TMC1: variants seen among roughly 807,000 people sequenced by gnomAD.
TMC1 encodes the protein transmembrane channel like 1, also known as transmembrane channel-like protein 1.
A neutral mutation model predicts 105.8 loss-of-function variants in TMC1; 84 were observed. That is an observed-to-expected ratio of 0.79 (90% CI 0.67 to 0.95). TMC1 has a LOEUF of 0.95. Ranked by LOEUF, TMC1 falls within the 40% of genes least tolerant of loss-of-function variation. The probability of loss-of-function intolerance (pLI) is 0.00; values close to 1 mark genes in which losing one functional copy is unlikely to be tolerated. For missense variants in TMC1, 817 were observed against 914.1 expected (o/e 0.89, Z 1.37); for synonymous variants, 315 against 311.5 (o/e 1.01, Z -0.12).
At chr9:72,534,132 C>T (rs1186529662) in intron 1 of TMC1, among the ~76,000 whole-genome samples, 2 of 151,510 alleles carry the variant, frequency 1.3e-5, no homozygotes, top group Non-Finnish European at 2.9e-5. Flanking sequence ...GAATCTGTCT[C>T]GAAATAAATG....
intron 1 of TMC1, among the ~76,000 whole-genome samples, chr9:72,549,085 G>C (rs890395613): frequency 1.3e-5 from 2 of 152,180 alleles, no homozygotes; most frequent in African/African-American, 4.8e-5. Context: ...TAAATCTTCA[G>C]AGATCAACAT....
chr9:72,759,382 C>T (rs1827719789), intron 12 of TMC1, among the ~76,000 whole-genome samples: 1 of 152,156 alleles, frequency 6.6e-6, no homozygotes, highest in African/African-American at 2.4e-5. Context: ...CCGTCTCCAG[C>T]ATCACAAAGC....
At chr9:72,527,049 C>T (rs1456150530) in intron 1 of TMC1, among the ~76,000 whole-genome samples, 1 of 152,174 alleles carries the variant, frequency 6.6e-6, no homozygotes, top group Non-Finnish European at 1.5e-5. Flanking sequence ...ACTAGGTGAG[C>T]ATGGGGTTCC....
intron 1 of TMC1, among the ~76,000 whole-genome samples, chr9:72,535,784 T>C (rs7018820): frequency 0.52 from 79,734 of 152,060 alleles, 21,868 homozygotes; most frequent in African/African-American, 0.69. Flanking sequence ...CCTTCATGTG[T>C]GGAAATCATA....
intron 5 of TMC1, among the ~76,000 whole-genome samples, chr9:72,657,003 T>G (rs1250181080): frequency 1.3e-5 from 2 of 152,242 alleles, no homozygotes; most frequent in Admixed American, 1.3e-4. Flanking sequence ...GACACTGTTC[T>G]GCATACTCTT....
chr9:72,574,081 T>C (rs1241229044), intron 1 of TMC1, among the ~76,000 whole-genome samples: 3 of 152,252 alleles, frequency 2.0e-5, no homozygotes, highest in Non-Finnish European at 4.4e-5. Context: ...CTGATGATAA[T>C]AGCCTCCAGC....
At chr9:72,537,221 TC>T (rs1228341417) in intron 1 of TMC1, among the ~76,000 whole-genome samples, 9 of 152,190 alleles carry the variant, frequency 5.9e-5, no homozygotes, top group African/African-American at 9.6e-5. Flanking sequence ...CTCCTAGGCC[TC>T]TAGGCTTGTG....
chr9:72,544,345 T>G (rs1823728810), intron 1 of TMC1, among the ~76,000 whole-genome samples: 1 of 88,860 alleles, frequency 1.1e-5, no homozygotes. Context: ...GTATATCCAC[T>G]TCACTCAAGC....
chr9:72,662,281 G>C (rs1313803613), intron 5 of TMC1, among the ~76,000 whole-genome samples: 1 of 150,506 alleles, frequency 6.6e-6, no homozygotes, highest in Non-Finnish European at 1.5e-5. Context: ...CCACCTCCCC[G>C]GTCCAAGCGA....
intron 3 of TMC1, among the ~76,000 whole-genome samples, chr9:72,625,820 C>G (rs769693793): frequency 3.9e-5 from 6 of 152,006 alleles, no homozygotes; most frequent in Non-Finnish European, 8.8e-5. Flanking sequence ...TGTCCTTACA[C>G]AAATGATGAA....
At chr9:72,721,806 A>G (rs970320888) in intron 8 of TMC1, among the ~76,000 whole-genome samples, 1 of 152,170 alleles carries the variant, frequency 6.6e-6, no homozygotes, top group East Asian at 1.9e-4. Context: ...AATTCAGCCA[A>G]CTCACATTAT....
chr9:72,682,638 A>G (rs2132177937), intron 5 of TMC1, among the ~76,000 whole-genome samples: 1 of 152,314 alleles, frequency 6.6e-6, no homozygotes, highest in African/African-American at 2.4e-5. Context: ...AGTAAGAAGA[A>G]TTGCACCCTA....
chr9:72,739,760 G>A (rs1827357831), intron 8 of TMC1, among the ~76,000 whole-genome samples: 1 of 152,138 alleles, frequency 6.6e-6, no homozygotes, highest in Admixed American at 6.5e-5. Flanking sequence ...AGAAGAGGAA[G>A]TATTTTAAAA....
chr9:72,799,167 T>G (rs1285391415), intron 17 of TMC1, among the ~76,000 whole-genome samples: 1 of 152,126 alleles, frequency 6.6e-6, no homozygotes, highest in Non-Finnish European at 1.5e-5. Flanking sequence ...TAGTTAGAAT[T>G]GATATTCCTA....
intron 4 of TMC1, among the ~76,000 whole-genome samples, chr9:72,641,810 CTTT>C (rs896125209): frequency 1.1e-5 from 1 of 86,994 alleles, no homozygotes. Context: ...AGTCCCAAAT[CTTT>C]TTTTTTTTTT....
chr9:72,530,601 A>G (rs1823483393), intron 1 of TMC1, among the ~76,000 whole-genome samples: 1 of 149,876 alleles, frequency 6.7e-6, no homozygotes, highest in South Asian at 2.1e-4. Flanking sequence ...AAAAAAAAAA[A>G]CCTTCTCAAG....
chr9:72,595,029 C>T (rs564696387), intron 2 of TMC1, among the ~76,000 whole-genome samples: 1 of 152,116 alleles, frequency 6.6e-6, no homozygotes, highest in African/African-American at 2.4e-5. Context: ...CCACGCCCAG[C>T]TAATTTTTGT....
At chr9:72,769,002 TCTTTC>T (rs766611377) in intron 12 of TMC1, among the ~76,000 whole-genome samples, 2 of 152,144 alleles carry the variant, frequency 1.3e-5, no homozygotes, top group Non-Finnish European at 2.9e-5. Flanking sequence ...GTTTCTTGTT[TCTTTC>T]CTTTCTTTCA....
chr9:72,613,173 C>T (rs962131588), intron 2 of TMC1, among the ~76,000 whole-genome samples: 7 of 148,302 alleles, frequency 4.7e-5, no homozygotes, highest in Non-Finnish European at 1.0e-4. Flanking sequence ...CTCTTGTTTC[C>T]GAGGCTGGAG....
Sources: allele counts gnomAD v4.1 joint callset (sites outside exome capture counted in the v4.1 genomes callset), GRCh38; gene constraint gnomAD v4.1.1; transcripts MANE v1.5; gene names NCBI Gene and HGNC (gene_info 2026-07-23, HGNC 2026-07-21).